TXNDC11: variants seen among roughly 807,000 people sequenced by gnomAD.
The protein encoded by TXNDC11 is thioredoxin domain containing 11.
Under a neutral mutation model 78.0 loss-of-function variants are expected in TXNDC11, and 68 were observed. The observed-to-expected ratio is 0.87, with a 90% CI of 0.72 to 1.07. The LOEUF is 1.07. Among genes scored for constraint, TXNDC11 ranks in the 50% least tolerant of loss-of-function variants. The probability of loss-of-function intolerance (pLI) is 0.00; values close to 1 mark genes in which losing one functional copy is unlikely to be tolerated. For synonymous variants in TXNDC11, 571 were observed against 495.2 expected, an observed-to-expected ratio of 1.15 and a Z score of -2.03; for missense variants, 1,389 against 1,221.8, an observed-to-expected ratio of 1.14 and a Z score of -2.04.
At chr16:11,711,234 G>A (rs2051345379) in intron 5 of TXNDC11, among the ~76,000 whole-genome samples, 1 of 152,186 alleles carries the variant, frequency 6.6e-6, no homozygotes, top group Non-Finnish European at 1.5e-5. Flanking sequence ...AGTAAGGGTG[G>A]AGTGAGTGAG....
At position 11,715,165 on chromosome 16, in the gene TXNDC11, T is replaced by C. The variant is rs573486128; in HGVS notation, c.793+6412A>G. 4.3e-4 allele frequency among the ~76,000 whole-genome samples: 65 copies of C among 152,162 alleles called. 1 individual carries two copies. Among genetic ancestry groups the C allele is most frequent in the African/African-American group, 1.5e-3 (64 of 41,518 alleles). ...TACTCGAGAAGCTGAGGCAGGAGAA[T>C]TGCTTGAACCCGGGAGGCGGAGGTT... On this transcript the variant is annotated intron_variant, in intron 5 of 11. Coordinates refer to ENST00000283033, the MANE Select transcript of TXNDC11 (RefSeq NM_015914.7).
At chr16:11,718,973 T>C (rs2051624817) in intron 5 of TXNDC11, among the ~76,000 whole-genome samples, 1 of 152,246 alleles carries the variant, frequency 6.6e-6, no homozygotes, top group Non-Finnish European at 1.5e-5. Flanking sequence ...TTATCACTAT[T>C]TACCCTTCTT....
intron 5 of TXNDC11, among the ~76,000 whole-genome samples, chr16:11,719,190 G>C (rs1230672887): frequency 6.6e-6 from 1 of 152,102 alleles, no homozygotes; most frequent in East Asian, 1.9e-4. Flanking sequence ...TCACAAACTT[G>C]AATGCTACCA....
intron 5 of TXNDC11, among the ~76,000 whole-genome samples, chr16:11,705,020 G>A (rs4255800): frequency 0.45 from 67,703 of 151,482 alleles, 15,504 homozygotes; most frequent in Middle Eastern, 0.56. Flanking sequence ...TCAGCCTCCC[G>A]AGTAGCTGGG....
rs530750729 is a variant in TXNDC11 at position 11,687,772 on chromosome 16, G to C, written c.2153+85C>G. 15 of 908,158 alleles carry C rather than the reference G, an allele frequency of 1.7e-5. No individual in the cohort carries two copies. The South Asian group carries it at 2.0e-4, about 12-fold the overall frequency. The allele number at this position is 908,158 out of a possible 1,614,324, so 56.3% of individuals were successfully genotyped here. On this transcript the variant is annotated intron_variant, in intron 10 of 11. Coordinates refer to ENST00000283033, the MANE Select transcript of TXNDC11 (RefSeq NM_015914.7). ...ACCAAAGGTTAATGGAAAATGGGCA[G>C]ACCCTCACACACCATATGGCTAAGC... is the stretch of plus-strand genomic sequence containing the variant.
At chr16:11,727,673 C>A (rs1204391356) in intron 4 of TXNDC11, among the ~76,000 whole-genome samples, 1 of 150,680 alleles carries the variant, frequency 6.6e-6, no homozygotes, top group Non-Finnish European at 1.5e-5. Flanking sequence ...CCCCCCCCAC[C>A]CCACCATAAC....
At chr16:11,720,804 C>T (rs952653878) in intron 5 of TXNDC11, among the ~76,000 whole-genome samples, 10 of 151,488 alleles carry the variant, frequency 6.6e-5, no homozygotes, top group Admixed American at 2.6e-4. Context: ...TGCAGTGGCG[C>T]GATCTCGGTT....
At chr16:11,711,306 G>A (rs1012518506) in intron 5 of TXNDC11, among the ~76,000 whole-genome samples, 1 of 152,102 alleles carries the variant, frequency 6.6e-6, no homozygotes. Context: ...TACTGGCTTC[G>A]TGTTGTTGCT....
intron 5 of TXNDC11, among the ~76,000 whole-genome samples, chr16:11,718,155 A>G (rs1255699731): frequency 6.6e-6 from 1 of 152,130 alleles, no homozygotes; most frequent in Non-Finnish European, 1.5e-5. Context: ...CACACCCTAC[A>G]GCCCTGTGAT....
chr16:11,711,067 T>A (rs1178567161), intron 5 of TXNDC11, among the ~76,000 whole-genome samples: 1 of 151,932 alleles, frequency 6.6e-6, no homozygotes, highest in African/African-American at 2.4e-5. Context: ...TATTAATCCA[T>A]AGAACTTCCC....
intron 11 of TXNDC11, among the ~76,000 whole-genome samples, chr16:11,680,153 G>A (rs2050384839): frequency 6.6e-6 from 1 of 152,242 alleles, no homozygotes; most frequent in Admixed American, 6.5e-5. Context: ...CCCCAGGAGT[G>A]TGTAGGCATG....
chr16:11,694,427 G>A (rs1342420709), intron 7 of TXNDC11, among the ~76,000 whole-genome samples: 5 of 151,792 alleles, frequency 3.3e-5, no homozygotes, highest in Non-Finnish European at 7.4e-5. Flanking sequence ...GGGATTGTAA[G>A]CATGAGCCAC....
chr16:11,728,969 C>A (rs1249683432), intron 4 of TXNDC11, among the ~76,000 whole-genome samples: 3 of 152,134 alleles, frequency 2.0e-5, no homozygotes, highest in African/African-American at 7.2e-5. Context: ...CCACTGCACT[C>A]CAGCCTGGGT....
intron 11 of TXNDC11, among the ~76,000 whole-genome samples, chr16:11,681,730 G>C (rs546765186): frequency 6.6e-6 from 1 of 152,340 alleles, no homozygotes; most frequent in South Asian, 2.1e-4. Context: ...ATGTCACACA[G>C]AGTCTGACGC....
chr16:11,693,238 G>A (rs546284209), intron 7 of TXNDC11, among the ~76,000 whole-genome samples: 3 of 152,268 alleles, frequency 2.0e-5, no homozygotes, highest in South Asian at 4.1e-4. Flanking sequence ...CCACTTTACC[G>A]TCAAGCCAGT....
intron 5 of TXNDC11, among the ~76,000 whole-genome samples, chr16:11,709,657 G>C (rs547602906): frequency 6.6e-6 from 1 of 151,426 alleles, no homozygotes; most frequent in Non-Finnish European, 1.5e-5. Flanking sequence ...GGATGGTCTC[G>C]ATCTCCTGAC....
intron 5 of TXNDC11, among the ~76,000 whole-genome samples, chr16:11,707,783 T>A (rs949988219): frequency 6.6e-6 from 1 of 151,950 alleles, no homozygotes; most frequent in South Asian, 2.1e-4. Flanking sequence ...GTGTAGCTAC[T>A]AGAAAAGTTT....
At position 11,691,995 on chromosome 16, in the gene TXNDC11, G is replaced by C. The variant is rs753162675; in HGVS notation, c.1195C>G (p.Pro399Ala). The C allele has an allele frequency of 1.9e-6, 3 of 1,581,692 alleles. No homozygotes were observed. Among genetic ancestry groups the C allele is most frequent in the Admixed American group, 1.7e-5 (1 of 57,292 alleles). The change falls in exon 8 of 12, where the codon CCA becomes GCA. Residue 399 changes from proline (P) to alanine (A), a missense_variant. Physicochemically the swap from Pro to Ala is conservative, Grantham distance 27. Coordinates refer to ENST00000283033, the MANE Select transcript of TXNDC11 (RefSeq NM_015914.7). ...TCCAGGGCCAGGGACTCCAGCACTGGAGCATCCACCCGCCGCAGGTGCTGA... is the reference window on the plus strand; with the variant it reads ...TCCAGGGCCAGGGACTCCAGCACTGCAGCATCCACCCGCCGCAGGTGCTGA... Reference protein sequence around the residue: ...LLQHLRRVDAPVLESLALEVP... With the variant: ...LLQHLRRVDAAVLESLALEVP...
At chr16:11,694,745 G>A (rs543669238) in intron 7 of TXNDC11, among the ~76,000 whole-genome samples, 129 of 152,314 alleles carry the variant, frequency 8.5e-4, no homozygotes, top group South Asian at 1.2e-3. Context: ...GAGCCACTGC[G>A]CCCAGCCAGC....
Sources: allele counts gnomAD v4.1 joint callset (sites outside exome capture counted in the v4.1 genomes callset), GRCh38; gene constraint gnomAD v4.1.1; transcripts MANE v1.5; gene names NCBI Gene and HGNC (gene_info 2026-07-23, HGNC 2026-07-21).